Variants in RAD54L2 observed in about 807,000 individuals in gnomAD.
RAD54L2 encodes the protein RAD54 like 2.
In RAD54L2, 27 loss-of-function variants were observed where a neutral mutation model predicts 138.4. The ratio of observed to expected loss-of-function variants is 0.20; its 90% CI spans 0.14 to 0.27. RAD54L2 has a LOEUF of 0.27. RAD54L2 is among the 10% of genes least tolerant of loss of function. RAD54L2 has a pLI of 1.00. For missense variants in RAD54L2, 1,396 were observed against 1,890.2 expected (o/e 0.74, Z 4.85); for synonymous variants, 644 against 723.2 (o/e 0.89, Z 1.76).
chr3:51,598,466 G>T (rs1399203996), intron 3 of RAD54L2, among the ~76,000 whole-genome samples: 2 of 152,084 alleles, frequency 1.3e-5, no homozygotes, highest in African/African-American at 4.8e-5. Flanking sequence ...GGATGGGTGC[G>T]GTGGCTCACG....
At chr3:51,585,172 TATAG>T (rs1699684991) in intron 2 of RAD54L2, among the ~76,000 whole-genome samples, 1 of 151,936 alleles carries the variant, frequency 6.6e-6, no homozygotes, top group Non-Finnish European at 1.5e-5. Flanking sequence ...CAGTGTTTTG[TATAG>T]ATATTCTTCA....
chr3:51,636,816 C>T (rs1310883091), intron 10 of RAD54L2, among the ~76,000 whole-genome samples: 1 of 152,128 alleles, frequency 6.6e-6, no homozygotes, highest in African/African-American at 2.4e-5. Context: ...GCCTCTAATC[C>T]CAGCTACTTG....
chr3:51,595,729 A>AT (rs1489284039), intron 3 of RAD54L2, among the ~76,000 whole-genome samples: 1 of 152,078 alleles, frequency 6.6e-6, no homozygotes, highest in Non-Finnish European at 1.5e-5. Flanking sequence ...GTTGTGAGAC[A>AT]TTTTGGATTT....
intron 2 of RAD54L2, among the ~76,000 whole-genome samples, chr3:51,556,072 C>A (rs1168602189): frequency 6.6e-6 from 1 of 152,100 alleles, no homozygotes; most frequent in Non-Finnish European, 1.5e-5. Context: ...CCTATTACAT[C>A]CTTTGTAAGG....
intron 2 of RAD54L2, among the ~76,000 whole-genome samples, chr3:51,561,486 C>G (rs1442466105): frequency 6.6e-6 from 1 of 152,172 alleles, no homozygotes; most frequent in Non-Finnish European, 1.5e-5. Flanking sequence ...CTCAGGTGAT[C>G]TGCCCGCCTC....
chr3:51,650,135 C>A (rs1363251099), intron 19 of RAD54L2, among the ~76,000 whole-genome samples: 1 of 152,110 alleles, frequency 6.6e-6, no homozygotes, highest in Non-Finnish European at 1.5e-5. Flanking sequence ...AGGTTGCAAT[C>A]CTAGTCGCTA....
chr3:51,617,967 T>C (rs987666097), intron 3 of RAD54L2, among the ~76,000 whole-genome samples: 1 of 148,936 alleles, frequency 6.7e-6, no homozygotes, highest in Non-Finnish European at 1.5e-5. Flanking sequence ...TATGTAAGTC[T>C]TTTTTTTTTG....
At chr3:51,599,140 T>A (rs1700029818) in intron 3 of RAD54L2, among the ~76,000 whole-genome samples, 2 of 152,138 alleles carry the variant, frequency 1.3e-5, no homozygotes, top group African/African-American at 2.4e-5. Flanking sequence ...TACTGCAGAA[T>A]TAATTGGTCG....
chr3:51,586,318 G>A (rs1414991730), intron 2 of RAD54L2, among the ~76,000 whole-genome samples: 4 of 151,970 alleles, frequency 2.6e-5, no homozygotes, highest in African/African-American at 7.3e-5. Context: ...GGGCATCGCT[G>A]TGTTGCCCAG....
intron 19 of RAD54L2, among the ~76,000 whole-genome samples, chr3:51,648,559 C>T (rs1385029837): frequency 6.6e-6 from 1 of 152,176 alleles, no homozygotes; most frequent in Non-Finnish European, 1.5e-5. Flanking sequence ...GGCCGACTGA[C>T]ACCTCATACA....
chr3:51,641,332 C>T (rs58058913), intron 14 of RAD54L2, among the ~76,000 whole-genome samples: 16,618 of 115,102 alleles, frequency 0.14, 1,857 homozygotes, highest in East Asian at 0.39. Context: ...TTTTTTTTTT[C>T]TCCTGAGACA....
At chr3:51,579,913 C>T (rs1197352695) in intron 2 of RAD54L2, among the ~76,000 whole-genome samples, 2 of 152,158 alleles carry the variant, frequency 1.3e-5, no homozygotes, top group Non-Finnish European at 2.9e-5. Flanking sequence ...CCACTTAAAT[C>T]CATGTGACAC....
At chr3:51,578,589 T>A (rs1699535279) in intron 2 of RAD54L2, among the ~76,000 whole-genome samples, 1 of 152,102 alleles carries the variant, frequency 6.6e-6, no homozygotes, top group Non-Finnish European at 1.5e-5. Context: ...CTGGAGTACA[T>A]GGGGACTAGC....
chr3:51,637,129 C>T lies in RAD54L2; in HGVS notation c.1340-32C>T, dbSNP rs1329228643. 1.3e-6 allele frequency: 2 copies of T among 1,537,052 alleles called. No homozygotes were observed. The highest frequency in any genetic ancestry group is 3.9e-5 in the Admixed American group (2 of 51,258). On this transcript the variant is annotated intron_variant, in intron 10 of 22. Transcript: ENST00000684192. The surrounding 1 kb of genome is among the most constrained non-coding windows in gnomAD (Gnocchi z 5.9). ...TATTGACTAAGAGCAGGCCCTGTCA[C>T]CCTCTGACTCCGGATCCTCTTCCCT...
At chr3:51,545,560 G>T (rs955668700) in intron 2 of RAD54L2, among the ~76,000 whole-genome samples, 1 of 151,926 alleles carries the variant, frequency 6.6e-6, no homozygotes, top group Non-Finnish European at 1.5e-5. Context: ...GTTTTTTTAA[G>T]ATTTTTTTTA....
At chr3:51,581,892 A>T (rs936775403) in intron 2 of RAD54L2, among the ~76,000 whole-genome samples, 2 of 151,262 alleles carry the variant, frequency 1.3e-5, no homozygotes, top group East Asian at 3.9e-4. Context: ...TGTCCCTGCC[A>T]TGTGGGTTCT....
At chr3:51,569,561 T>A (rs1423780847) in intron 2 of RAD54L2, among the ~76,000 whole-genome samples, 1 of 152,078 alleles carries the variant, frequency 6.6e-6, no homozygotes, top group Non-Finnish European at 1.5e-5. Flanking sequence ...TTTTTGTATT[T>A]TTAGTAGAGA....
intron 3 of RAD54L2, among the ~76,000 whole-genome samples, chr3:51,607,797 G>T (rs1437126771): frequency 6.7e-6 from 1 of 150,228 alleles, no homozygotes; most frequent in Non-Finnish European, 1.5e-5. Context: ...ATGGGGTGGC[G>T]GCCGGGCAGA....
At chr3:51,548,888 G>A (rs996595518) in intron 2 of RAD54L2, among the ~76,000 whole-genome samples, 3 of 147,794 alleles carry the variant, frequency 2.0e-5, no homozygotes, top group East Asian at 2.0e-4. Context: ...GTGCAGTGGC[G>A]CCATCTCCGC....
Sources: gnomAD v4.1 joint callset for allele counts (sites outside exome capture counted in the v4.1 genomes callset) on GRCh38, gnomAD v4.1.1 for gene constraint, Gnocchi (gnomAD v3.1) non-coding constraint, MANE v1.5 for transcripts, NCBI Gene and HGNC (gene_info 2026-07-23, HGNC 2026-07-21) for gene names.